The following DUSP26 variants were observed in gnomAD, a reference collection of about 807,000 sequenced individuals.
DUSP26 encodes the protein dual specificity protein phosphatase 26.
A neutral mutation model predicts 20.0 loss-of-function variants in DUSP26; 12 were observed. The observed-to-expected ratio is 0.60, with a 90% CI of 0.38 to 0.97. DUSP26 has a LOEUF of 0.97. Among genes scored for constraint, DUSP26 ranks in the 50% least tolerant of loss-of-function variants. The pLI, the probability that DUSP26 is intolerant of heterozygous loss-of-function variation, is 0.00. For missense variants in DUSP26, 230 were observed against 294.0 expected (o/e 0.78, Z 1.59); for synonymous variants, 120 against 118.8 (o/e 1.01, Z -0.06).
chr8:33,594,358 C>T (rs1002958313), intron 2 of DUSP26, among the ~76,000 whole-genome samples: 10 of 151,564 alleles, frequency 6.6e-5, no homozygotes, highest in East Asian at 2.0e-4. Flanking sequence ...TTTGGGAGGC[C>T]GAGGCGGGCG....
chr8:33,598,065 A>T (rs184724084), intron 1 of DUSP26, among the ~76,000 whole-genome samples: 8 of 152,270 alleles, frequency 5.3e-5, no homozygotes, highest in Non-Finnish European at 1.0e-4. Flanking sequence ...AGACAACAGC[A>T]GCTGAGGCCA....
At chr8:33,594,287 G>A (rs184485314) in intron 2 of DUSP26, among the ~76,000 whole-genome samples, 11 of 151,960 alleles carry the variant, frequency 7.2e-5, no homozygotes, top group African/African-American at 2.2e-4. Flanking sequence ...GGTAAAAATA[G>A]CCATAATAAA....
chr8:33,597,240 T>TAC, intron 2 of DUSP26, 55 bp downstream of exon 2: 1 of 1,505,738 alleles, frequency 6.6e-7, no homozygotes, highest in Non-Finnish European at 9.0e-7. Flanking sequence ...TCTCCTTTCT[T>TAC]ACACACACAA....
rs963342129 is a variant in DUSP26, at chr8:33,597,452, A to G, written c.64T>C (p.Ser22Pro). Residue 22 changes from serine to proline, a missense_variant, in exon 2 of 4, where the codon TCA becomes CCA. By Grantham distance (74) the Ser-to-Pro change is moderately conservative (BLOSUM62 -1). Transcript: ENST00000256261. Reference sequence around the variant, plus strand: ...CCTCGAGTTCGAACAGGAGACCTTGAGCTACTCCGGGAGAAGCGGGCCATA... The same window carrying G: ...CCTCGAGTTCGAACAGGAGACCTTGGGCTACTCCGGGAGAAGCGGGCCATA... ...TFMARFSRSS[S>P]RSPVRTRGTL... is the part of the protein sequence containing the mutation. 2.5e-5 allele frequency: 40 copies of G among 1,613,970 alleles called. No homozygotes were observed. The highest frequency in any genetic ancestry group is 3.3e-5 in the Non-Finnish European group (39 of 1,180,020).
At chr8:33,593,011 C>T (rs1811057938) in intron 3 of DUSP26, among the ~76,000 whole-genome samples, 1 of 152,130 alleles carries the variant, frequency 6.6e-6, no homozygotes, top group African/African-American at 2.4e-5. Context: ...GTGGCTCATG[C>T]CTGTAATTCC....
intron 2 of DUSP26, among the ~76,000 whole-genome samples, chr8:33,596,550 C>G (rs1811150632): frequency 6.6e-6 from 1 of 152,166 alleles, no homozygotes; most frequent in Admixed American, 6.6e-5. Context: ...CCACTGCACT[C>G]CAGCCTGGGT....
In DUSP26 at chr8:33,592,006, C is replaced by T. The variant is rs777262383; in HGVS notation, c.*7G>A. The stretch of plus-strand genomic sequence containing the variant: ...ACGGGCCTGGCCTGACCTCTCTCCC[C>T]CTCCCCTCATGCTTCCAGACCCTGC... On this transcript the variant is annotated 3_prime_UTR_variant, in exon 4 of 4. Transcript: ENST00000256261. 3 of 1,612,744 alleles carry T rather than the reference C, an allele frequency of 1.9e-6. No homozygotes were observed. The highest frequency in any genetic ancestry group is 2.5e-6 in the Non-Finnish European group (3 of 1,179,988).
intron 1 of DUSP26, 134 bp from the exon 2 acceptor site, chr8:33,597,725 T>C: frequency 3.9e-6 from 2 of 507,990 alleles, no homozygotes; most frequent in Non-Finnish European, 6.9e-6. Context: ...CCTTCAGGGG[T>C]GGCTTTTTCT....
At chr8:33,599,294 G>A (rs896314920) in intron 1 of DUSP26, among the ~76,000 whole-genome samples, 2 of 152,194 alleles carry the variant, frequency 1.3e-5, no homozygotes, top group African/African-American at 4.8e-5. Flanking sequence ...GAAGCGTGAA[G>A]GAGCCCAGGT....
rs373499457 is a variant in DUSP26, at chr8:33,595,475, G to A, written c.222-1728C>T. Among the ~76,000 whole-genome samples the A allele has an allele frequency of 6.6e-5, 10 of 151,118 alleles. No homozygotes were observed. In the East Asian group the frequency reaches 7.9e-4, roughly 12 times the overall value. ...CGGCTCACTGCCACCTCTGCCTCCC[G>A]GGTTCAAGCAATTCTCTGCCTCAGC... On this transcript the variant is annotated intron_variant, in intron 2 of 3. Coordinates refer to ENST00000256261, the MANE Select transcript of DUSP26 (RefSeq NM_024025.3).
intron 2 of DUSP26, among the ~76,000 whole-genome samples, chr8:33,595,266 TC>T (rs1198050327): frequency 6.6e-6 from 1 of 152,118 alleles, no homozygotes; most frequent in East Asian, 1.9e-4. Flanking sequence ...CACACCTAAC[TC>T]CCCTATGTCT....
At chr8:33,599,444 G>A (rs1563380995) in intron 1 of DUSP26, among the ~76,000 whole-genome samples, 1 of 152,202 alleles carries the variant, frequency 6.6e-6, no homozygotes, top group Non-Finnish European at 1.5e-5. Flanking sequence ...CTCCGCCTGC[G>A]GTCGCCTTTG....
At chr8:33,592,313 G>T in intron 3 of DUSP26, 101 bp from the exon 4 acceptor site, 2 of 1,198,758 alleles carry the variant, frequency 1.7e-6, no homozygotes, top group South Asian at 1.6e-5. Flanking sequence ...GCTCACGGCG[G>T]TAATTCCAGC....
Position 33,591,389 on chromosome 8 carries a change from T to C in DUSP26, c.*624A>G, listed in dbSNP as rs2128845525. 1 of 152,766 alleles carries C rather than the reference T, an allele frequency of 6.5e-6. No individual in the cohort carries two copies. Among genetic ancestry groups the C allele is most frequent in the Non-Finnish European group, 1.5e-5 (1 of 68,058 alleles). 9.5% of individuals were successfully genotyped at this position (152,766 alleles called of 1,614,324 possible). ...CTTGGATCCAGTAAGCGAGTGACAATTTCAAGACTGCCAGCCATGCACCTC... is the reference window on the plus strand; with the variant it reads ...CTTGGATCCAGTAAGCGAGTGACAACTTCAAGACTGCCAGCCATGCACCTC... On this transcript the variant is annotated 3_prime_UTR_variant, in exon 4 of 4. Transcript: ENST00000256261.
intron 3 of DUSP26, among the ~76,000 whole-genome samples, chr8:33,592,762 T>G (rs1023375209): frequency 1.3e-5 from 2 of 152,114 alleles, no homozygotes; most frequent in African/African-American, 4.8e-5. Flanking sequence ...TCACCACTGA[T>G]GTAAGAGCCA....
At chr8:33,596,357 T>C (rs968157774) in intron 2 of DUSP26, among the ~76,000 whole-genome samples, 26 of 151,968 alleles carry the variant, frequency 1.7e-4, no homozygotes, top group African/African-American at 6.3e-4. Context: ...ACAGGTGGAC[T>C]GCCTGAGCTC....
At chr8:33,593,147 C>T (rs1377042929) in intron 3 of DUSP26, among the ~76,000 whole-genome samples, 1 of 152,136 alleles carries the variant, frequency 6.6e-6, no homozygotes, top group Admixed American at 6.5e-5. Flanking sequence ...TGGCGGACAC[C>T]TGTAATCTCA....
Position 33,593,551 on chromosome 8 carries a change from C to G in DUSP26, c.418G>C (p.Ala140Pro). 7 of 1,613,766 alleles carry G rather than the reference C, an allele frequency of 4.3e-6. No individual in the cohort carries two copies. Among genetic ancestry groups the G allele is most frequent in the Non-Finnish European group, 5.1e-6 (6 of 1,179,676 alleles). ...FQTAADFIHR[A>P]LSQPGGKILV... ...CTCCTACCTCCTGGCTGGCTCAGCG[C>G]CCGGTGGATGAAGTCGGCAGCCGTC... Residue 140 changes from alanine (A) to proline (P), a missense_variant, in exon 3 of 4, where the codon GCG becomes CCG. Coordinates refer to ENST00000256261, the MANE Select transcript of DUSP26 (RefSeq NM_024025.3).
At chr8:33,599,085 C>T (rs915817547) in intron 1 of DUSP26, among the ~76,000 whole-genome samples, 1 of 151,992 alleles carries the variant, frequency 6.6e-6, no homozygotes, top group Non-Finnish European at 1.5e-5. Flanking sequence ...TGGCTGGGTC[C>T]GGAAGGAGCA....
Sources: allele counts gnomAD v4.1 joint callset (sites outside exome capture counted in the v4.1 genomes callset), GRCh38; gene constraint gnomAD v4.1.1; transcripts MANE v1.5; gene names NCBI Gene and HGNC (gene_info 2026-07-23, HGNC 2026-07-21).